Variants in SIPA1L3 observed in about 807,000 individuals in gnomAD.
SIPA1L3 encodes the protein signal-induced proliferation-associated 1-like protein 3.
In SIPA1L3, 59 loss-of-function variants were observed where a neutral mutation model predicts 150.1. The ratio of observed to expected loss-of-function variants is 0.39; its 90% CI spans 0.32 to 0.49. SIPA1L3 has a LOEUF of 0.49. SIPA1L3 is among the 20% of genes least tolerant of loss of function. The pLI is 0.86. For missense variants in SIPA1L3, 2,211 were observed against 2,489.5 expected (o/e 0.89, Z 2.38); for synonymous variants, 1,070 against 1,077.6 (o/e 0.99, Z 0.14).
intron 1 of SIPA1L3, among the ~76,000 whole-genome samples, chr19:37,994,245 C>G (rs1179935688): frequency 6.6e-6 from 1 of 152,162 alleles, no homozygotes; most frequent in East Asian, 1.9e-4. Flanking sequence ...TATCCCATGG[C>G]TATTTCTGCA....
At chr19:38,134,342 G>A (rs1301032947) in intron 10 of SIPA1L3, among the ~76,000 whole-genome samples, 1 of 148,706 alleles carries the variant, frequency 6.7e-6, no homozygotes, top group Non-Finnish European at 1.5e-5. Context: ...AGCTACTCAG[G>A]GTGAGATAGG....
chr19:38,091,884 C>A (rs1465059557), intron 4 of SIPA1L3, among the ~76,000 whole-genome samples: 1 of 151,670 alleles, frequency 6.6e-6, no homozygotes, highest in Non-Finnish European at 1.5e-5. Context: ...ATGGCGAAAC[C>A]CTGTCTCTAC....
intron 15 of SIPA1L3, among the ~76,000 whole-genome samples, chr19:38,169,577 A>G (rs1418768798): frequency 1.3e-5 from 2 of 152,192 alleles, no homozygotes; most frequent in Non-Finnish European, 2.9e-5. Flanking sequence ...TGTGGTAAAG[A>G]TTGAATGTAC....
At chr19:37,940,902 C>T (rs1001085848) in intron 1 of SIPA1L3, among the ~76,000 whole-genome samples, 2 of 152,024 alleles carry the variant, frequency 1.3e-5, no homozygotes, top group African/African-American at 2.4e-5. Flanking sequence ...TTGTTTTTCT[C>T]TTGCAGTTTA....
chr19:37,988,816 A>AC (rs1369201220), intron 1 of SIPA1L3, among the ~76,000 whole-genome samples: 1 of 151,734 alleles, frequency 6.6e-6, no homozygotes, highest in Non-Finnish European at 1.5e-5. Context: ...TTGCTCTTTG[A>AC]CCCTTTCCCT....
chr19:37,966,239 G>T (rs1318035030), intron 1 of SIPA1L3, among the ~76,000 whole-genome samples: 1 of 152,244 alleles, frequency 6.6e-6, no homozygotes, highest in Non-Finnish European at 1.5e-5. Context: ...AATCGGCACT[G>T]CAGGGAGCTG....
chr19:38,031,590 G>T (rs907893634), intron 2 of SIPA1L3, among the ~76,000 whole-genome samples: 2 of 152,158 alleles, frequency 1.3e-5, no homozygotes, highest in Non-Finnish European at 2.9e-5. Context: ...GTGCGTCATT[G>T]TGGGGGTCTG....
chr19:38,198,327 ATGTATTTG>A (rs1384353494), intron 18 of SIPA1L3, 54 bp from the exon 19 acceptor site: 3 of 1,433,422 alleles, frequency 2.1e-6, no homozygotes, highest in East Asian at 5.3e-5. Context: ...GGATGTCTTC[ATGTATTTG>A]TGTCTCCCGC....
At position 38,082,124 on chromosome 19, in the gene SIPA1L3, C is replaced by T. The variant is rs746166352; in HGVS notation, c.559C>T (p.Pro187Ser). Reference protein sequence around the residue: ...SECDAEDAGEPRGARHTGALP... With the variant: ...SECDAEDAGESRGARHTGALP... ...GTGTGACGCGGAGGACGCGGGGGAGCCGCGGGGGGCCCGGCACACGGGGGC... is the reference window on the plus strand; with the variant it reads ...GTGTGACGCGGAGGACGCGGGGGAGTCGCGGGGGGCCCGGCACACGGGGGC... The change falls in exon 3 of 22, where the codon CCG (proline) becomes TCG (serine). Residue 187 changes from proline to serine, a missense_variant. Coordinates refer to ENST00000222345, the MANE Select transcript of SIPA1L3 (RefSeq NM_015073.3). 1.2e-6 allele frequency: 2 copies of T among 1,606,536 alleles called. No individual in the cohort carries two copies. The highest frequency in any genetic ancestry group is 1.1e-5 in the South Asian group (1 of 90,978).
chr19:37,995,012 C>T (rs1967600068), intron 1 of SIPA1L3, among the ~76,000 whole-genome samples: 1 of 152,176 alleles, frequency 6.6e-6, no homozygotes, highest in Non-Finnish European at 1.5e-5. Flanking sequence ...CATGGGATGG[C>T]TGCCCCAGCC....
chr19:37,981,637 A>G lies in SIPA1L3; in HGVS notation c.-378-47452A>G, dbSNP rs1286377331. 3.3e-5 allele frequency among the ~76,000 whole-genome samples: 5 copies of G among 152,238 alleles called. No homozygotes were observed. In the East Asian group the frequency reaches 9.6e-4, roughly 29 times the overall value. ...ACAGCCTCTGCTGTACAGTATTGTCAGATGACGCAGTGCCAGTGGTAGCAG... is the reference window on the plus strand; with the variant it reads ...ACAGCCTCTGCTGTACAGTATTGTCGGATGACGCAGTGCCAGTGGTAGCAG... On this transcript the variant is annotated intron_variant, in intron 1 of 21. Coordinates refer to ENST00000222345, the MANE Select transcript of SIPA1L3 (RefSeq NM_015073.3).
chr19:38,071,583 C>A (rs536782824), intron 2 of SIPA1L3, among the ~76,000 whole-genome samples: 2 of 152,164 alleles, frequency 1.3e-5, no homozygotes, highest in Admixed American at 1.3e-4. Context: ...GCCACTGTGC[C>A]CAATCAGATA....
At chr19:38,194,283 G>A (rs9653105) in intron 18 of SIPA1L3, among the ~76,000 whole-genome samples, 55,190 of 151,874 alleles carry the variant, frequency 0.36, 11,727 homozygotes, top group Middle Eastern at 0.57. Context: ...CAGGTACTGC[G>A]CACACCACCC....
At chr19:38,112,650 T>A (rs1970791794) in intron 8 of SIPA1L3, among the ~76,000 whole-genome samples, 1 of 152,296 alleles carries the variant, frequency 6.6e-6, no homozygotes, top group Non-Finnish European at 1.5e-5. Flanking sequence ...CTTTAACAGA[T>A]GTTAACATTT....
chr19:38,165,729 G>A (rs917769757), intron 15 of SIPA1L3, among the ~76,000 whole-genome samples: 10 of 152,154 alleles, frequency 6.6e-5, no homozygotes, highest in African/African-American at 2.4e-4. Context: ...GATTCAATAG[G>A]TCGGAGCGGG....
chr19:38,206,389 T>A lies in SIPA1L3; in HGVS notation c.*149T>A. On this transcript the variant is annotated 3_prime_UTR_variant, in exon 22 of 22. Transcript: ENST00000222345. ...GACACGGAAACTCCGATGGCCTCAC[T>A]AGGGCTGTGAGTCAGGGTCAGCGCG... The A allele has an allele frequency of 1.1e-6, 1 of 946,284 alleles. No homozygotes were observed. The highest frequency in any genetic ancestry group is 1.5e-6 in the Non-Finnish European group (1 of 649,124). The allele number at this position is 946,284 out of a possible 1,614,324, so 58.6% of individuals were successfully genotyped here. A position where few individuals can be genotyped will look rare whatever the true frequency, so the allele number is the denominator to read the frequency against.
At chr19:37,948,067 G>C (rs1416316466) in intron 1 of SIPA1L3, among the ~76,000 whole-genome samples, 1 of 152,182 alleles carries the variant, frequency 6.6e-6, no homozygotes, top group Non-Finnish European at 1.5e-5. Flanking sequence ...ATCCCCTTAA[G>C]TTAATGGTGG....
intron 1 of SIPA1L3, among the ~76,000 whole-genome samples, chr19:37,908,616 GT>G (rs140160333): frequency 0.16 from 23,716 of 147,938 alleles, 1,972 homozygotes; most frequent in Middle Eastern, 0.28. Flanking sequence ...GTATCTTGCT[GT>G]TTTTTTTTTT....
intron 15 of SIPA1L3, among the ~76,000 whole-genome samples, chr19:38,172,709 G>T (rs1208323375): frequency 2.0e-5 from 3 of 152,160 alleles, no homozygotes; most frequent in South Asian, 2.1e-4. Context: ...GCAGGAGCCT[G>T]GTTCTAGCGG....
Sources: gnomAD v4.1 joint callset for allele counts (sites outside exome capture counted in the v4.1 genomes callset) on GRCh38, gnomAD v4.1.1 for gene constraint, MANE v1.5 for transcripts, NCBI Gene and HGNC (gene_info 2026-07-23, HGNC 2026-07-21) for gene names.